The following MTMR9 variants were observed in gnomAD, a reference collection of about 807,000 sequenced individuals.
MTMR9 encodes the protein myotubularin-related protein 9.
Under a neutral mutation model 69.5 loss-of-function variants are expected in MTMR9, and 39 were observed. That is an observed-to-expected ratio of 0.56 (90% confidence interval 0.43 to 0.73). MTMR9 has a LOEUF of 0.73. Ranked by LOEUF, MTMR9 falls within the 30% of genes least tolerant of loss-of-function variation. The probability of loss-of-function intolerance (pLI) is 0.00; values close to 1 mark genes in which losing one functional copy is unlikely to be tolerated. For missense variants in MTMR9, 900 were observed against 671.2 expected (o/e 1.34, Z -3.77); for synonymous variants, 354 against 240.8 (o/e 1.47, Z -4.35).
the MTMR9 span, among the ~76,000 whole-genome samples, chr8:11,334,045 G>A: frequency 6.6e-6 from 1 of 152,322 alleles, no homozygotes; most frequent in Non-Finnish European, 1.5e-5. Context: ...CTCACACACT[G>A]TCTTGTCCTT....
intron 3 of MTMR9, among the ~76,000 whole-genome samples, chr8:11,302,095 T>A (rs1799765221): frequency 6.6e-6 from 1 of 151,432 alleles, no homozygotes; most frequent in African/African-American, 2.4e-5. Flanking sequence ...CCCATCTCTA[T>A]GAAAAAATTT....
intron 8 of MTMR9, 50 bp downstream of exon 8, chr8:11,316,943 A>G: frequency 7.7e-7 from 1 of 1,303,146 alleles, no homozygotes; most frequent in Non-Finnish European, 1.1e-6. Context: ...TGTTTTGGCT[A>G]CTTCCTAAGT....
intron 2 of MTMR9, among the ~76,000 whole-genome samples, chr8:11,299,388 C>G (rs1282482915): frequency 6.6e-6 from 1 of 152,206 alleles, no homozygotes; most frequent in African/African-American, 2.4e-5. Context: ...AAGCCTTTTA[C>G]ACACATTATC....
At chr8:11,330,212 CGG>C (rs1801153367), downstream of MTMR9, among the ~76,000 whole-genome samples, 1 of 150,086 alleles carries the variant, frequency 6.7e-6, no homozygotes, top group African/African-American at 2.5e-5. Flanking sequence ...GGGTCAGCCG[CGG>C]CCTGGCCAGC....
downstream of MTMR9, among the ~76,000 whole-genome samples, chr8:11,332,452 A>G (rs1801273785): frequency 6.6e-6 from 1 of 152,150 alleles, no homozygotes; most frequent in African/African-American, 2.4e-5. Flanking sequence ...AAATGAAATC[A>G]GAGAAATGAT....
At chr8:11,297,531 G>GTT (rs58238612) in intron 2 of MTMR9, among the ~76,000 whole-genome samples, 1 of 142,320 alleles carries the variant, frequency 7.0e-6, no homozygotes, top group African/African-American at 2.6e-5. Context: ...GGGTTTTGTG[G>GTT]TTTTTTTTTT....
intron 1 of MTMR9, among the ~76,000 whole-genome samples, chr8:11,292,425 A>C (rs1799405804): frequency 6.6e-6 from 1 of 152,190 alleles, no homozygotes. Flanking sequence ...TGTTTTCCAA[A>C]GTGCTTGTAC....
In MTMR9 at chr8:11,324,260, C is replaced by G. The variant is rs1414165925; in HGVS notation, c.*1472C>G. ...GAGAAGCCTTTGAAAATGGCAAATA[C>G]TTTTCATCACCAATTGCCCAATTCA... On this transcript the variant is annotated 3_prime_UTR_variant, in exon 10 of 10. Transcript: ENST00000221086. The G allele has an allele frequency of 1.3e-5, 2 of 152,156 alleles. No homozygotes were observed. Among genetic ancestry groups the G allele is most frequent in the South Asian group, 2.1e-4 (1 of 4,826 alleles). 9.4% of individuals were successfully genotyped at this position (152,156 alleles called of 1,614,324 possible).
chr8:11,332,240 A>G (rs1585151212), downstream of MTMR9: 1 of 1,441,712 alleles, frequency 6.9e-7, no homozygotes, highest in Non-Finnish European at 9.2e-7. Flanking sequence ...GAAAGAGTGA[A>G]AGTCTAACTT....
chr8:11,316,445 C>A (rs1201390113), intron 7 of MTMR9: 1 of 376,020 alleles, frequency 2.7e-6, no homozygotes, highest in African/African-American at 2.1e-5. Flanking sequence ...TGTGGTCACA[C>A]CTTAGCCGCG....
chr8:11,306,520 G>T, intron 5 of MTMR9, 113 bp downstream of exon 5: 1 of 881,012 alleles, frequency 1.1e-6, no homozygotes. Context: ...TTAATTTAGG[G>T]TCAATGATGG....
intron 1 of MTMR9, among the ~76,000 whole-genome samples, chr8:11,294,355 G>C (rs1431440729): frequency 6.6e-6 from 1 of 152,040 alleles, no homozygotes; most frequent in Non-Finnish European, 1.5e-5. Flanking sequence ...TGTGCTATTA[G>C]ATTTAGGGGT....
chr8:11,328,822 C>T (rs924996556), downstream of MTMR9, among the ~76,000 whole-genome samples: 1 of 152,176 alleles, frequency 6.6e-6, no homozygotes, highest in Non-Finnish European at 1.5e-5. Context: ...AGTAATGGGA[C>T]ATATCAACAT....
At chr8:11,311,242 T>G (rs376795830) in intron 6 of MTMR9, among the ~76,000 whole-genome samples, 2 of 152,212 alleles carry the variant, frequency 1.3e-5, no homozygotes, top group East Asian at 3.9e-4. Context: ...AATCTGTTAC[T>G]TTTAAATTAA....
rs1337526736 is a variant in MTMR9 at position 11,324,513 on chromosome 8, A to G, written c.*1725A>G. ...AAATGTCCATCTTAGTTTTGTTAAAAAAAAAAAAAAAAAAAGGAAACAGCC... is the reference window on the plus strand; with the variant it reads ...AAATGTCCATCTTAGTTTTGTTAAAGAAAAAAAAAAAAAAAGGAAACAGCC... On this transcript the variant is annotated 3_prime_UTR_variant, in exon 10 of 10. Coordinates refer to ENST00000221086, the MANE Select transcript of MTMR9 (RefSeq NM_015458.4). 2.0e-5 allele frequency: 3 copies of G among 147,788 alleles called. No individual in the cohort carries two copies. The highest frequency in any genetic ancestry group is 2.0e-4 in the Admixed American group (3 of 14,972). 9.2% of individuals were successfully genotyped at this position (147,788 alleles called of 1,614,324 possible).
intron 6 of MTMR9, 125 bp downstream of exon 6, chr8:11,309,813 A>G (rs1213353379): frequency 4.2e-6 from 4 of 954,830 alleles, no homozygotes; most frequent in East Asian, 5.2e-5. Flanking sequence ...GCTAGTCAAC[A>G]CCATCCCATT....
At chr8:11,329,968 C>G (rs1417911247), downstream of MTMR9, among the ~76,000 whole-genome samples, 1 of 151,732 alleles carries the variant, frequency 6.6e-6, no homozygotes, top group African/African-American at 2.4e-5. Flanking sequence ...GCCCGGCCGC[C>G]CTGTCTGAGA....
rs755203622 is a variant in MTMR9 at position 11,316,826 on chromosome 8, A to G, written c.1267A>G (p.Ile423Val). Residue 423 changes from isoleucine (I) to valine (V), a missense_variant, in exon 8 of 10, where the codon ATC (isoleucine) becomes GTC (valine). Transcript: ENST00000221086. ...TTTTGAGTTTAATGAGAATTTCCTCATCATGCTCTTTGAGCATGCTTATGC... is the reference window on the plus strand; with the variant it reads ...TTTTGAGTTTAATGAGAATTTCCTCGTCATGCTCTTTGAGCATGCTTATGC... ...CSFEFNENFL[I>V]MLFEHAYASQ... The G allele has an allele frequency of 5.6e-6, 9 of 1,613,728 alleles. 1 individual carries two copies. The highest frequency in any genetic ancestry group is 3.3e-4 in the Middle Eastern group (2 of 6,078).
chr8:11,320,969 A>C (rs1800657662), intron 9 of MTMR9: 1 of 155,338 alleles, frequency 6.4e-6, no homozygotes, highest in Non-Finnish European at 1.4e-5. Context: ...AGTATGTTAT[A>C]CTCTCAAAGG....
Sources: gnomAD v4.1 joint callset for allele counts (sites outside exome capture counted in the v4.1 genomes callset) on GRCh38, gnomAD v4.1.1 for gene constraint, MANE v1.5 for transcripts, NCBI Gene and HGNC (gene_info 2026-07-23, HGNC 2026-07-21) for gene names.